RREB1: variants seen among roughly 807,000 people sequenced by gnomAD.
The protein encoded by RREB1 is ras-responsive element-binding protein 1.
RREB1 carries 27 observed loss-of-function variants against 117.8 expected under a neutral mutation model. That is an observed-to-expected ratio of 0.23 (90% CI 0.17 to 0.32). The LOEUF (loss-of-function observed/expected upper bound fraction) is 0.32, where lower values mean the gene tolerates loss of function less well. Among genes scored for constraint, RREB1 ranks in the 10% least tolerant of loss-of-function variants. The pLI, the probability that RREB1 is intolerant of heterozygous loss-of-function variation, is 1.00. For missense variants in RREB1, 2,577 were observed against 2,378.2 expected (o/e 1.08, Z -1.74); for synonymous variants, 1,298 against 1,026.7 (o/e 1.26, Z -5.05).
intron 8 of RREB1, among the ~76,000 whole-genome samples, chr6:7,222,061 A>G (rs1220604696): frequency 6.6e-6 from 1 of 152,204 alleles, no homozygotes; most frequent in Non-Finnish European, 1.5e-5. Flanking sequence ...AAGGAAAGGA[A>G]CAGGAGAGAA....
chr6:7,218,929 C>G (rs1767070810), intron 8 of RREB1: 1 of 150,658 alleles, frequency 6.6e-6, no homozygotes. Flanking sequence ...GACTGTGTAG[C>G]ACAGACAGCC....
At chr6:7,159,491 T>C (rs1263175191) in intron 1 of RREB1, among the ~76,000 whole-genome samples, 1 of 152,240 alleles carries the variant, frequency 6.6e-6, no homozygotes, top group Non-Finnish European at 1.5e-5. Flanking sequence ...TTTAAAATTA[T>C]AACTGTTTAT....
chr6:7,112,303 A>C (rs575868740), intron 1 of RREB1, among the ~76,000 whole-genome samples: 52 of 152,266 alleles, frequency 3.4e-4, no homozygotes, highest in Admixed American at 1.1e-3. Context: ...ATGAGTAACT[A>C]TCATCTCTTG....
At chr6:7,200,905 A>G (rs1765937331) in intron 6 of RREB1, among the ~76,000 whole-genome samples, 1 of 152,224 alleles carries the variant, frequency 6.6e-6, no homozygotes, top group Non-Finnish European at 1.5e-5. Flanking sequence ...GGAAATGCAA[A>G]ATAAATTTTA....
intron 1 of RREB1, among the ~76,000 whole-genome samples, chr6:7,170,868 T>C (rs1324131039): frequency 6.6e-6 from 1 of 152,196 alleles, no homozygotes. Flanking sequence ...CTTCATGAGC[T>C]GGTTCTCAGG....
At chr6:7,209,916 A>G (rs1180907879) in intron 6 of RREB1, among the ~76,000 whole-genome samples, 1 of 152,270 alleles carries the variant, frequency 6.6e-6, no homozygotes, top group Non-Finnish European at 1.5e-5. Flanking sequence ...AACCACGGCT[A>G]CGTGATGAGG....
intron 1 of RREB1, among the ~76,000 whole-genome samples, chr6:7,172,561 T>C (rs999014740): frequency 6.6e-6 from 1 of 152,110 alleles, no homozygotes; most frequent in African/African-American, 2.4e-5. Context: ...CCCAATCTCT[T>C]AGGAGTCCCT....
chr6:7,110,013 A>G (rs1761055597), intron 1 of RREB1, among the ~76,000 whole-genome samples: 1 of 152,216 alleles, frequency 6.6e-6, no homozygotes, highest in Non-Finnish European at 1.5e-5. Flanking sequence ...TGCCTGTTGA[A>G]TGGTGTTGCT....
chr6:7,247,091 CAAGAAACCA>C lies in RREB1; in HGVS notation c.4646_4654del (p.Lys1549_Lys1551del). On this transcript the variant is annotated inframe_deletion, in exon 12 of 13. Coordinates refer to ENST00000379938, the MANE Select transcript of RREB1 (RefSeq NM_001003699.4). Reference sequence around the variant, plus strand: ...GGTCCTCAGAGAAGAGCGACGATGACAAGAAACCAAAGACAGACTCCCCCAAAAGCGTGG... The same window carrying C: ...GGTCCTCAGAGAAGAGCGACGATGACAAGACAGACTCCCCCAAAAGCGTGG... The C allele has an allele frequency of 1.2e-6, 2 of 1,613,752 alleles. No homozygotes were observed. The highest frequency in any genetic ancestry group is 1.7e-6 in the Non-Finnish European group (2 of 1,179,960).
At chr6:7,143,851 C>CTTTTTTT (rs11365387) in intron 1 of RREB1, among the ~76,000 whole-genome samples, 8 of 89,382 alleles carry the variant, frequency 9.0e-5, no homozygotes, top group African/African-American at 1.2e-4. Flanking sequence ...TTTTTTCTTT[C>CTTTTTTT]TTTTTTTTTT....
rs962346559 is a variant in RREB1 at position 7,139,599 on chromosome 6, A to G, written c.-285+31539A>G. Among the ~76,000 whole-genome samples the G allele has an allele frequency of 7.0e-4, 107 of 152,360 alleles. 1 individual carries two copies. Among genetic ancestry groups the G allele is most frequent in the African/African-American group, 2.5e-3 (105 of 41,582 alleles). ...TATTCAAACAAATAAATATTCGACA[A>G]TATAACTGAATTGGTTATTGATCAG... is the stretch of plus-strand genomic sequence containing the variant. On this transcript the variant is annotated intron_variant, in intron 1 of 12. Coordinates refer to ENST00000379938, the MANE Select transcript of RREB1 (RefSeq NM_001003699.4).
intron 1 of RREB1, among the ~76,000 whole-genome samples, chr6:7,158,545 C>T (rs1205040478): frequency 6.6e-6 from 1 of 152,164 alleles, no homozygotes; most frequent in Non-Finnish European, 1.5e-5. Context: ...TGGGTATCAG[C>T]TCCCTCCAGC....
intron 1 of RREB1, among the ~76,000 whole-genome samples, chr6:7,158,758 A>T (rs189590324): frequency 3.9e-4 from 60 of 152,350 alleles, no homozygotes; most frequent in African/African-American, 1.3e-3. Context: ...AGTAGCTGAC[A>T]TACATTTTTA....
At chr6:7,156,644 A>G (rs1388922064) in intron 1 of RREB1, among the ~76,000 whole-genome samples, 3 of 152,254 alleles carry the variant, frequency 2.0e-5, no homozygotes, top group Non-Finnish European at 1.5e-5. Context: ...TGGTATTTGT[A>G]TATAGAATCC....
intron 6 of RREB1, among the ~76,000 whole-genome samples, chr6:7,208,646 A>T (rs1307559542): frequency 1.3e-5 from 2 of 152,150 alleles, no homozygotes; most frequent in Admixed American, 1.3e-4. Context: ...CACTTCTAGG[A>T]GTGATGCAGT....
intron 1 of RREB1, among the ~76,000 whole-genome samples, chr6:7,155,168 A>G (rs1763303502): frequency 6.6e-6 from 1 of 151,850 alleles, no homozygotes; most frequent in Non-Finnish European, 1.5e-5. Flanking sequence ...TGTTCTCATC[A>G]CCCTCCCTTT....
At chr6:7,153,303 G>A (rs786509) in intron 1 of RREB1, among the ~76,000 whole-genome samples, 41,146 of 151,278 alleles carry the variant, frequency 0.27, 7,419 homozygotes, top group African/African-American at 0.51. Flanking sequence ...ACTTTCTCCT[G>A]TTTTGGCAAA....
chr6:7,126,074 T>C (rs1049427000), intron 1 of RREB1, among the ~76,000 whole-genome samples: 1 of 152,210 alleles, frequency 6.6e-6, no homozygotes, highest in Non-Finnish European at 1.5e-5. Context: ...CGATCTCGGC[T>C]CACTGCAACC....
chr6:7,170,046 C>G (rs1001454572), intron 1 of RREB1, among the ~76,000 whole-genome samples: 48 of 152,190 alleles, frequency 3.2e-4, no homozygotes, highest in African/African-American at 1.1e-3. Flanking sequence ...TTAAGCTGCT[C>G]CTTCCCCCAC....
Sources: allele counts gnomAD v4.1 joint callset (sites outside exome capture counted in the v4.1 genomes callset), GRCh38; gene constraint gnomAD v4.1.1; transcripts MANE v1.5; gene names NCBI Gene and HGNC (gene_info 2026-07-23, HGNC 2026-07-21).